KCNIP4: variants seen among roughly 807,000 people sequenced by gnomAD.
KCNIP4 encodes the protein potassium voltage-gated channel interacting protein 4.
KCNIP4 carries 12 observed loss-of-function variants against 34.0 expected under a neutral mutation model. The ratio of observed to expected loss-of-function variants is 0.35; its 90% CI spans 0.23 to 0.57. KCNIP4 has a LOEUF of 0.57. Ranked by LOEUF, KCNIP4 falls within the 20% of genes least tolerant of loss-of-function variation. KCNIP4 has a pLI of 0.83. For synonymous variants in KCNIP4, 124 were observed against 102.2 expected (o/e 1.21, Z -1.29); for missense variants, 238 against 311.7 (o/e 0.76, Z 1.78).
chr4:21,383,836 C>T (rs1721761207), intron 1 of KCNIP4, among the ~76,000 whole-genome samples: 1 of 152,100 alleles, frequency 6.6e-6, no homozygotes, highest in Non-Finnish European at 1.5e-5. Flanking sequence ...GGCTTGGGGG[C>T]TTCCTACAGC....
chr4:20,988,023 T>TATATATATATATATA (rs1033781557), intron 1 of KCNIP4, among the ~76,000 whole-genome samples: 3 of 83,600 alleles, frequency 3.6e-5, no homozygotes, highest in African/African-American at 1.6e-4. Context: ...AAAAAAAAAA[T>TATATATATATATATA]TATAGATATT....
intron 1 of KCNIP4, among the ~76,000 whole-genome samples, chr4:21,268,616 T>A (rs1761958967): frequency 6.6e-6 from 1 of 152,228 alleles, no homozygotes; most frequent in African/African-American, 2.4e-5. Flanking sequence ...ACAGTGTTGC[T>A]TTCTGCTTCA....
At chr4:20,956,517 T>G (rs1459368808) in intron 1 of KCNIP4, among the ~76,000 whole-genome samples, 2 of 147,510 alleles carry the variant, frequency 1.4e-5, no homozygotes, top group Non-Finnish European at 3.0e-5. Flanking sequence ...AAAAAAAAAG[T>G]TTTCTCTTAC....
intron 1 of KCNIP4, among the ~76,000 whole-genome samples, chr4:21,521,856 C>T (rs1347278678): frequency 6.6e-6 from 1 of 151,888 alleles, no homozygotes; most frequent in African/African-American, 2.4e-5. Context: ...CTCAGATGTT[C>T]CAGAACAATG....
chr4:20,943,122 G>C (rs1237289255), intron 1 of KCNIP4, among the ~76,000 whole-genome samples: 1 of 45,170 alleles, frequency 2.2e-5, no homozygotes, highest in Non-Finnish European at 4.8e-5. Flanking sequence ...TGCAGGCATT[G>C]CATTTTTTTA....
chr4:21,403,866 T>C (rs1376427041), intron 1 of KCNIP4, among the ~76,000 whole-genome samples: 3 of 152,086 alleles, frequency 2.0e-5, no homozygotes, highest in African/African-American at 7.2e-5. Flanking sequence ...GGGACTAAGG[T>C]GCTCTGTTCT....
At chr4:21,502,169 T>C (rs1037077851) in intron 1 of KCNIP4, among the ~76,000 whole-genome samples, 2 of 152,066 alleles carry the variant, frequency 1.3e-5, no homozygotes, top group Non-Finnish European at 2.9e-5. Context: ...AATTGTAATA[T>C]CTTAGTAGCC....
intron 1 of KCNIP4, among the ~76,000 whole-genome samples, chr4:21,499,626 A>G (rs1214375178): frequency 2.0e-5 from 3 of 152,128 alleles, no homozygotes; most frequent in Non-Finnish European, 2.9e-5. Flanking sequence ...ATAAATTTAC[A>G]TGAAGTAGAA....
intron 1 of KCNIP4, among the ~76,000 whole-genome samples, chr4:21,064,404 G>GAA (rs758710002): frequency 4.5e-5 from 6 of 134,574 alleles, no homozygotes; most frequent in African/African-American, 1.1e-4. Context: ...TACCTCACAG[G>GAA]AAAAAAAAAA....
chr4:21,757,881 T>C (rs1375878947), intron 1 of KCNIP4, among the ~76,000 whole-genome samples: 1 of 152,078 alleles, frequency 6.6e-6, no homozygotes, highest in Non-Finnish European at 1.5e-5. Context: ...GAGTATTGGG[T>C]GTAAGAGTAT....
intron 1 of KCNIP4, among the ~76,000 whole-genome samples, chr4:20,892,820 A>G (rs998428377): frequency 6.6e-6 from 1 of 152,250 alleles, no homozygotes; most frequent in Non-Finnish European, 1.5e-5. Flanking sequence ...GCCAGAGAAT[A>G]CTAGCAGAAA....
At chr4:21,029,586 T>C (rs1740831117) in intron 1 of KCNIP4, among the ~76,000 whole-genome samples, 1 of 152,198 alleles carries the variant, frequency 6.6e-6, no homozygotes, top group African/African-American at 2.4e-5. Context: ...ATGCTTTCTG[T>C]CCTGTAAAGT....
intron 1 of KCNIP4, among the ~76,000 whole-genome samples, chr4:21,218,733 C>A (rs908538118): frequency 6.6e-6 from 1 of 152,172 alleles, no homozygotes; most frequent in Non-Finnish European, 1.5e-5. Context: ...ATTTGAGATG[C>A]AAAGCTATGG....
At chr4:21,104,597 A>T (rs1283607231) in intron 1 of KCNIP4, among the ~76,000 whole-genome samples, 1 of 152,018 alleles carries the variant, frequency 6.6e-6, no homozygotes, top group Admixed American at 6.5e-5. Context: ...TCTTTAGTTT[A>T]ATTAGATCCC....
intron 1 of KCNIP4, among the ~76,000 whole-genome samples, chr4:21,311,540 T>C (rs778465029): frequency 6.6e-6 from 1 of 151,922 alleles, no homozygotes; most frequent in Non-Finnish European, 1.5e-5. Context: ...AATACAAAAA[T>C]TAACTGGGTG....
intron 2 of KCNIP4, among the ~76,000 whole-genome samples, chr4:20,851,515 A>G (rs1490798583): frequency 6.6e-6 from 1 of 152,156 alleles, no homozygotes. Context: ...TATCTTTATA[A>G]TAGAATGAAT....
chr4:20,828,995 C>T (rs1030866296), intron 3 of KCNIP4, among the ~76,000 whole-genome samples: 4 of 152,058 alleles, frequency 2.6e-5, no homozygotes, highest in African/African-American at 9.7e-5. Context: ...CAATTGGGGA[C>T]GTCAGTTTTG....
At chr4:20,799,164 G>A (rs1713887463) in intron 3 of KCNIP4, among the ~76,000 whole-genome samples, 1 of 152,102 alleles carries the variant, frequency 6.6e-6, no homozygotes, top group Non-Finnish European at 1.5e-5. Context: ...GCTCCATCCT[G>A]CCCATTCTAG....
At chr4:21,557,695 C>T (rs1004315527) in intron 1 of KCNIP4, among the ~76,000 whole-genome samples, 1 of 152,076 alleles carries the variant, frequency 6.6e-6, no homozygotes, top group Non-Finnish European at 1.5e-5. Context: ...CATGAAGGTG[C>T]CTTTTGGAGA....
Sources: gnomAD v4.1 joint callset for allele counts (sites outside exome capture counted in the v4.1 genomes callset) on GRCh38, gnomAD v4.1.1 for gene constraint, MANE v1.5 for transcripts, NCBI Gene and HGNC (gene_info 2026-07-23, HGNC 2026-07-21) for gene names.